The following PPM1D variants were observed in gnomAD, a reference collection of about 807,000 sequenced individuals.
PPM1D encodes protein phosphatase 1D.
A neutral mutation model predicts 58.3 loss-of-function variants in PPM1D; 52 were observed. The ratio of observed to expected loss-of-function variants is 0.89; its 90% CI spans 0.71 to 1.12. The LOEUF is 1.12. Among genes scored for constraint, PPM1D ranks in the 50% most tolerant of loss-of-function variants. The probability of loss-of-function intolerance (pLI) is 0.00; values close to 1 mark genes in which losing one functional copy is unlikely to be tolerated. For synonymous variants in PPM1D, 278 were observed against 285.1 expected (o/e 0.98, Z 0.25); for missense variants, 564 against 777.2 (o/e 0.73, Z 3.26).
chr17:60,600,279 C>T lies in PPM1D; in HGVS notation c.-136C>T, dbSNP rs530670309. The T allele has an allele frequency of 5.6e-6, 8 of 1,432,706 alleles. No homozygotes were observed. In the African/African-American group the frequency reaches 7.4e-5, roughly 13 times the overall value. 88.7% of individuals were successfully genotyped at this position (1,432,706 alleles called of 1,614,324 possible). ...CAAGTCCAGACATCGCGCGCCCCCC[C>T]TTCTCCGGGTCCGCCCCCTCCCCCT... On this transcript the variant is annotated 5_prime_UTR_variant, in exon 1 of 6. Coordinates refer to ENST00000305921, the MANE Select transcript of PPM1D (RefSeq NM_003620.4).
In PPM1D at chr17:60,664,406, T is replaced by C. The variant is rs187946481; in HGVS notation, c.*854T>C. 4 of 152,768 alleles carry C rather than the reference T, an allele frequency of 2.6e-5. No individual in the cohort carries two copies. Among genetic ancestry groups the C allele is most frequent in the Admixed American group, 6.5e-5 (1 of 15,302 alleles). The allele number at this position is 152,768 out of a possible 1,614,324, so 9.5% of individuals were successfully genotyped here. A position where few individuals can be genotyped will look rare whatever the true frequency, so the allele number is the denominator to read the frequency against. ...TGCTAATTCCCAACATTTCTTAAATTATTTTATATCATACAGTTTTCATTG... is the reference window on the plus strand; with the variant it reads ...TGCTAATTCCCAACATTTCTTAAATCATTTTATATCATACAGTTTTCATTG... On this transcript the variant is annotated 3_prime_UTR_variant, in exon 6 of 6. Transcript: ENST00000305921.
intron 1 of PPM1D, among the ~76,000 whole-genome samples, chr17:60,605,930 C>G (rs919263019): frequency 1.3e-5 from 2 of 151,988 alleles, no homozygotes; most frequent in Non-Finnish European, 2.9e-5. Flanking sequence ...AAATTTATAC[C>G]ATTTTAGCCA....
At chr17:60,649,344 G>T (rs118115477) in intron 4 of PPM1D, among the ~76,000 whole-genome samples, 132 of 152,310 alleles carry the variant, frequency 8.7e-4, no homozygotes, top group Non-Finnish European at 1.6e-3. Flanking sequence ...GAATAGTAAA[G>T]CTGTATTTTG....
chr17:60,629,781 T>C (rs2030881488), intron 2 of PPM1D, among the ~76,000 whole-genome samples: 1 of 152,224 alleles, frequency 6.6e-6, no homozygotes, highest in Admixed American at 6.5e-5. Context: ...CTTACGCTTA[T>C]AATCCCAGCA....
intron 3 of PPM1D, among the ~76,000 whole-genome samples, chr17:60,640,451 T>G (rs1411021025): frequency 2.0e-5 from 3 of 152,344 alleles, no homozygotes; most frequent in African/African-American, 7.2e-5. Context: ...GTAAAGCATG[T>G]GGTTCATTGA....
chr17:60,605,426 C>T (rs565889957), intron 1 of PPM1D, among the ~76,000 whole-genome samples: 2 of 152,330 alleles, frequency 1.3e-5, no homozygotes, highest in East Asian at 3.9e-4. Context: ...GCCAGAGATA[C>T]TGCCTTACTC....
At chr17:60,612,712 T>C (rs1431506916) in intron 1 of PPM1D, among the ~76,000 whole-genome samples, 3 of 152,036 alleles carry the variant, frequency 2.0e-5, no homozygotes, top group African/African-American at 7.2e-5. Flanking sequence ...ATCAGGGTCT[T>C]GCTGCTGGAT....
chr17:60,604,174 A>G (rs2030281558), intron 1 of PPM1D, among the ~76,000 whole-genome samples: 1 of 152,242 alleles, frequency 6.6e-6, no homozygotes, highest in African/African-American at 2.4e-5. Context: ...ATTTCATTAT[A>G]CAATATCAAA....
intron 2 of PPM1D, among the ~76,000 whole-genome samples, chr17:60,626,772 A>G (rs757940788): frequency 7.9e-5 from 12 of 151,984 alleles, no homozygotes; most frequent in African/African-American, 1.4e-4. Context: ...TTGAACTCCT[A>G]GGCTCAAGCG....
At chr17:60,602,608 C>T (rs1002079531) in intron 1 of PPM1D, among the ~76,000 whole-genome samples, 1 of 151,778 alleles carries the variant, frequency 6.6e-6, no homozygotes, top group Non-Finnish European at 1.5e-5. Flanking sequence ...TTTAATAAAG[C>T]AGGGGCCATG....
chr17:60,662,397 T>C (rs1167558453), intron 5 of PPM1D: 1 of 152,272 alleles, frequency 6.6e-6, no homozygotes, highest in African/African-American at 2.4e-5. Context: ...ATCTTCTTTG[T>C]ATCATTCCAA....
At chr17:60,621,473 C>T (rs2030700261) in intron 1 of PPM1D, among the ~76,000 whole-genome samples, 1 of 152,016 alleles carries the variant, frequency 6.6e-6, no homozygotes, top group African/African-American at 2.4e-5. Flanking sequence ...CCACTCACTG[C>T]AGCCTCCACC....
intron 1 of PPM1D, among the ~76,000 whole-genome samples, chr17:60,612,977 G>C (rs2030491219): frequency 6.6e-6 from 1 of 152,272 alleles, no homozygotes; most frequent in South Asian, 2.1e-4. Context: ...GTTTGGAGTA[G>C]AGTCTCATTG....
chr17:60,617,676 C>G (rs1365121280), intron 1 of PPM1D, among the ~76,000 whole-genome samples: 1 of 152,112 alleles, frequency 6.6e-6, no homozygotes, highest in Non-Finnish European at 1.5e-5. Flanking sequence ...ACTTCTGCAA[C>G]CAGATTGCAA....
intron 1 of PPM1D, among the ~76,000 whole-genome samples, chr17:60,609,311 T>A (rs887867701): frequency 2.6e-5 from 4 of 151,734 alleles, no homozygotes; most frequent in African/African-American, 7.3e-5. Flanking sequence ...GCCAGGCTGG[T>A]CTCGAACTCC....
rs375183595 is a variant in PPM1D at position 60,656,247 on chromosome 17, A to T, written c.1018-352A>T. Among the ~76,000 whole-genome samples the T allele has an allele frequency of 1.5e-4, 16 of 105,170 alleles. No homozygotes were observed. The East Asian group carries it at 3.5e-3, about 23-fold the overall frequency. The allele number at this position is 105,170 out of a possible 152,430, so 69.0% of individuals were successfully genotyped here. A position where few individuals can be genotyped will look rare whatever the true frequency, so the allele number is the denominator to read the frequency against. On this transcript the variant is annotated intron_variant, in intron 4 of 5. Coordinates refer to ENST00000305921, the MANE Select transcript of PPM1D (RefSeq NM_003620.4). The stretch of plus-strand genomic sequence containing the variant: ...GAGGCGTGTGGATCGAGGTCAGGAG[A>T]TCAAGACCATCCTGGCTAACATGGT...
At chr17:60,645,683 C>T (rs571907283) in intron 3 of PPM1D, among the ~76,000 whole-genome samples, 1 of 139,230 alleles carries the variant, frequency 7.2e-6, no homozygotes, top group African/African-American at 2.7e-5. Flanking sequence ...TATACATATA[C>T]ATATGTAGGT....
At position 60,625,415 on chromosome 17, in the gene PPM1D, G is replaced by C. The variant is rs138650384; in HGVS notation, c.701+1666G>C. On this transcript the variant is annotated intron_variant, in intron 2 of 5. Transcript: ENST00000305921. ...ATATAGAAAATAATATATACCAGTA[G>C]CTTTAAATGTTTAGGGAATCTAAAG... Among the ~76,000 whole-genome samples the C allele has an allele frequency of 7.7e-3, 1,176 of 152,242 alleles. 13 individuals are homozygous for C. The highest frequency in any genetic ancestry group is 0.026 in the African/African-American group (1,099 of 41,546).
chr17:60,643,411 A>C (rs947516457), intron 3 of PPM1D, among the ~76,000 whole-genome samples: 4 of 152,202 alleles, frequency 2.6e-5, no homozygotes, highest in Admixed American at 2.0e-4. Flanking sequence ...GGGTTGGGAA[A>C]GAAGAGCAAA....
Sources: gnomAD v4.1 joint callset for allele counts (sites outside exome capture counted in the v4.1 genomes callset) on GRCh38, gnomAD v4.1.1 for gene constraint, MANE v1.5 for transcripts, NCBI Gene and HGNC (gene_info 2026-07-23, HGNC 2026-07-21) for gene names.